MTMR8: variants seen among roughly 807,000 people sequenced by gnomAD.
MTMR8 encodes the protein phosphatidylinositol-3,5-bisphosphate 3-phosphatase MTMR8.
MTMR8 carries 65 observed loss-of-function variants against 39.3 expected under a neutral mutation model. That is an observed-to-expected ratio of 1.65 (90% CI 1.35 to 2.03). MTMR8 has a LOEUF of 2.03. Among genes scored for constraint, MTMR8 ranks in the 30% most tolerant of loss-of-function variants. MTMR8 has a pLI of 0.00. For missense variants in MTMR8, 777 were observed against 538.9 expected (o/e 1.44, Z -4.37); for synonymous variants, 245 against 185.2 (o/e 1.32, Z -2.62).
At chrX:64,269,432 A>T (rs1931707062) in intron 13 of MTMR8, among the ~76,000 whole-genome samples, 1 of 111,719 alleles carries the variant, frequency 9.0e-6, no homozygotes, top group African/African-American at 3.3e-5. Context: ...TTTACAAATG[A>T]AGAAACTGAG....
chrX:64,275,496 G>A (rs768890718), intron 12 of MTMR8, among the ~76,000 whole-genome samples: 1 of 108,955 alleles, frequency 9.2e-6, no homozygotes, highest in East Asian at 2.9e-4. Context: ...AGGAGTTCGA[G>A]ACCAGCCTGG....
At position 64,310,112 on chromosome X, in the gene MTMR8, C is replaced by G. The variant is rs148080380; in HGVS notation, c.1481+18660G>C. 9.7e-3 allele frequency among the ~76,000 whole-genome samples: 1,082 copies of G among 112,019 alleles called. 15 individuals carry two copies. Among genetic ancestry groups the G allele is most frequent in the African/African-American group, 0.032 (974 of 30,848 alleles). The stretch of plus-strand genomic sequence containing the variant: ...AGGCATTTTACCCACAGCAGAACTT[C>G]CTTCAAAACTGGAGACGATCCTCTG... On this transcript the variant is annotated intron_variant, in intron 12 of 13. Transcript: ENST00000374852.
chrX:64,320,022 C>T (rs1013764128), intron 12 of MTMR8, among the ~76,000 whole-genome samples: 3 of 111,355 alleles, frequency 2.7e-5, no homozygotes, highest in African/African-American at 9.8e-5. Flanking sequence ...GATATTGATT[C>T]TTGCTATCCA....
At chrX:64,365,879 G>C (rs772345896) in intron 1 of MTMR8, among the ~76,000 whole-genome samples, 2 of 111,268 alleles carry the variant, frequency 1.8e-5, no homozygotes, top group East Asian at 5.7e-4. Context: ...CACATGCAGA[G>C]ACACACATAG....
intron 12 of MTMR8, among the ~76,000 whole-genome samples, chrX:64,310,261 T>A (rs1450010589): frequency 8.9e-6 from 1 of 111,964 alleles, no homozygotes; most frequent in Non-Finnish European, 1.9e-5. Context: ...CTTTCTTTGC[T>A]CATCCATAAG....
chrX:64,296,647 G>C (rs1399643964), intron 12 of MTMR8, among the ~76,000 whole-genome samples: 1 of 101,309 alleles, frequency 9.9e-6, no homozygotes, highest in African/African-American at 3.6e-5. Flanking sequence ...AGTTACATAT[G>C]TATACATGTG....
intron 9 of MTMR8, among the ~76,000 whole-genome samples, chrX:64,336,518 C>G (rs1923078308): frequency 9.1e-6 from 1 of 110,204 alleles, no homozygotes; most frequent in African/African-American, 3.3e-5. Flanking sequence ...AAAATTCTAG[C>G]CAGGCATGGT....
At chrX:64,278,498 G>T (rs1931932563) in intron 12 of MTMR8, among the ~76,000 whole-genome samples, 1 of 63,489 alleles carries the variant, frequency 1.6e-5, no homozygotes, top group Non-Finnish European at 2.6e-5. Context: ...TTTTGAGATG[G>T]AGTCTCACTT....
At chrX:64,335,994 T>C in intron 10 of MTMR8, 85 bp downstream of exon 10, 1 of 677,254 alleles carries the variant, frequency 1.5e-6, no homozygotes, top group Non-Finnish European at 2.2e-6. Flanking sequence ...TCTTCCTTCC[T>C]TTACATGTAC....
intron 1 of MTMR8, among the ~76,000 whole-genome samples, chrX:64,378,947 G>A (rs1274979534): frequency 9.0e-6 from 1 of 111,333 alleles, no homozygotes; most frequent in African/African-American, 3.3e-5. Context: ...TGAAAGAGGG[G>A]CCATCACTAC....
intron 12 of MTMR8, among the ~76,000 whole-genome samples, chrX:64,320,108 G>A (rs1322718247): frequency 6.3e-5 from 7 of 111,210 alleles, no homozygotes; most frequent in Admixed American, 1.9e-4. Context: ...TCTCCTTGAA[G>A]AGGTCCTTCA....
rs768746123 is a variant in MTMR8 at position 64,356,172 on chromosome X, C to T, written c.310+4G>A. The T allele has an allele frequency of 1.0e-5, 12 of 1,200,530 alleles. No homozygotes were observed. The highest frequency in any genetic ancestry group is 2.3e-4 in the Middle Eastern group (1 of 4,324). On this transcript the variant is annotated splice_donor_region_variant and intron_variant, in intron 3 of 13. Coordinates refer to ENST00000374852, the MANE Select transcript of MTMR8 (RefSeq NM_017677.4). ...GTTTTAGATAAAAATACTATCATAACTACCTGGCTGAGAAAGCTTGAGCAG... is the reference window on the plus strand; with the variant it reads ...GTTTTAGATAAAAATACTATCATAATTACCTGGCTGAGAAAGCTTGAGCAG...
chrX:64,390,539 A>G (rs1246935575), intron 1 of MTMR8, among the ~76,000 whole-genome samples: 1 of 111,889 alleles, frequency 8.9e-6, no homozygotes, highest in Non-Finnish European at 1.9e-5. Context: ...AGCTCTCTGG[A>G]CTCAGTTTTC....
intron 12 of MTMR8, among the ~76,000 whole-genome samples, chrX:64,324,445 A>T (rs893265917): frequency 9.1e-6 from 1 of 110,108 alleles, no homozygotes; most frequent in Non-Finnish European, 1.9e-5. Flanking sequence ...GCACTTTGGG[A>T]GGCCAAGAGG....
rs776859832 is a variant in MTMR8, at chrX:64,356,480, C to T, written c.148-142G>A. ...CAGCCTACAACCATTCTTTGTAAGA[C>T]ACAACTGGGGTTCTCTCAAATAGAA... On this transcript the variant is annotated intron_variant, in intron 2 of 13. Coordinates refer to ENST00000374852, the MANE Select transcript of MTMR8 (RefSeq NM_017677.4). 3.3e-5 allele frequency: 17 copies of T among 514,755 alleles called. No homozygotes were observed. In the East Asian group the frequency reaches 6.0e-4, roughly 18 times the overall value. The allele number at this position is 514,755 out of a possible 1,213,427, so 42.4% of individuals were successfully genotyped here.
intron 1 of MTMR8, among the ~76,000 whole-genome samples, chrX:64,373,820 A>T (rs1218871603): frequency 9.0e-6 from 1 of 111,352 alleles, no homozygotes; most frequent in Non-Finnish European, 1.9e-5. Context: ...ATTAGAAGAG[A>T]CAAGGCAGTA....
intron 12 of MTMR8, among the ~76,000 whole-genome samples, chrX:64,289,658 A>AAAG (rs1921331679): frequency 9.7e-6 from 1 of 103,329 alleles, no homozygotes; most frequent in Non-Finnish European, 1.9e-5. Context: ...AAAAAAAAAA[A>AAAG]AAATTAAGTT....
chrX:64,316,024 C>T (rs1922456076), intron 12 of MTMR8, among the ~76,000 whole-genome samples: 2 of 111,381 alleles, frequency 1.8e-5, no homozygotes, highest in South Asian at 3.8e-4. Context: ...CTTCCTTTTA[C>T]ATCCCTTTTC....
chrX:64,285,658 A>T (rs1266424995), intron 12 of MTMR8, among the ~76,000 whole-genome samples: 2 of 112,197 alleles, frequency 1.8e-5, no homozygotes, highest in Non-Finnish European at 3.8e-5. Flanking sequence ...ACTAGAACTC[A>T]GGATTAAGAA....
Sources: allele counts gnomAD v4.1 joint callset (sites outside exome capture counted in the v4.1 genomes callset), GRCh38; gene constraint gnomAD v4.1.1; transcripts MANE v1.5; gene names NCBI Gene and HGNC (gene_info 2026-07-23, HGNC 2026-07-21).